The following TACC2 variants were observed in gnomAD, a reference collection of about 807,000 sequenced individuals.
TACC2 encodes transforming acidic coiled-coil containing protein 2, also known as transforming acidic coiled-coil-containing protein 2.
Under a neutral mutation model 227.3 loss-of-function variants are expected in TACC2, and 137 were observed. The observed-to-expected ratio is 0.60, with a 90% CI of 0.52 to 0.69. The LOEUF (loss-of-function observed/expected upper bound fraction) is 0.69, where lower values mean the gene tolerates loss of function less well. Ranked by LOEUF, TACC2 falls within the 30% of genes least tolerant of loss-of-function variation. TACC2 has a pLI of 0.00. For synonymous variants in TACC2, 1,523 were observed against 1,487.5 expected, an observed-to-expected ratio of 1.02 and a Z score of -0.55; for missense variants, 3,470 against 3,694.4, an observed-to-expected ratio of 0.94 and a Z score of 1.57.
In TACC2 at chr10:121,992,816, G is replaced by A. The variant is rs145338594; in HGVS notation, c.-46+3328G>A. Among the ~76,000 whole-genome samples, 114 of 152,158 alleles carry A rather than the reference G, an allele frequency of 7.5e-4. 1 individual carries two copies. In the East Asian group the frequency reaches 0.019, roughly 26 times the overall value. ...CTAAAATACAAAAAATTAGCCAGGCGTGGCAGTGGGCACCTGTAGTCCCAG... is the reference window on the plus strand; with the variant it reads ...CTAAAATACAAAAAATTAGCCAGGCATGGCAGTGGGCACCTGTAGTCCCAG... On this transcript the variant is annotated intron_variant, in intron 1 of 22. Transcript: ENST00000369005.
intron 8 of TACC2, 82 bp downstream of exon 8, chr10:122,195,258 C>T: frequency 7.5e-7 from 1 of 1,325,488 alleles, no homozygotes; most frequent in Non-Finnish European, 1.0e-6. Context: ...CCTCCTGGGT[C>T]AGGCTGGAGG....
At chr10:122,095,804 G>A (rs376746646) in intron 5 of TACC2, among the ~76,000 whole-genome samples, 7 of 152,336 alleles carry the variant, frequency 4.6e-5, no homozygotes, top group Non-Finnish European at 7.3e-5. Flanking sequence ...CAATACAGTC[G>A]CTGCTGGCCA....
chr10:122,248,429 C>T (rs1014108240), intron 19 of TACC2: 1 of 593,122 alleles, frequency 1.7e-6, no homozygotes, highest in Non-Finnish European at 3.0e-6. Flanking sequence ...CGCGAGGCTG[C>T]ACAGGCCCGG....
rs7083776 is a variant in TACC2 at position 122,084,260 on chromosome 10, A to G, written c.1760A>G (p.Asp587Gly). ...AAGGAGGAAGCCCCAGAGCCACCTGATGGTGGAGACCCAGGGAACCTGCAA... is the reference window on the plus strand; with the variant it reads ...AAGGAGGAAGCCCCAGAGCCACCTGGTGGTGGAGACCCAGGGAACCTGCAA... ...GGKEEAPEPP[D>G]GGDPGNLQGE... Residue 587 changes from aspartate (D) to glycine (G), a missense_variant, in exon 4 of 23, where the codon GAT becomes GGT. By Grantham distance (94) the Asp-to-Gly change is moderately conservative. Around this residue, in one of 10 missense-constraint regions of TACC2, gnomAD observed 1,924 missense variants for 1,978.3 expected, o/e 0.97. Coordinates refer to ENST00000369005, the MANE Select transcript of TACC2 (RefSeq NM_206862.4). 3.9e-4 allele frequency: 630 copies of G among 1,614,054 alleles called. 5 individuals are homozygous for G. The African/African-American group carries it at 7.2e-3, about 19-fold the overall frequency.
At chr10:122,043,826 C>T (rs1422520935) in intron 2 of TACC2, among the ~76,000 whole-genome samples, 6 of 152,274 alleles carry the variant, frequency 3.9e-5, no homozygotes, top group South Asian at 2.1e-4. Flanking sequence ...GTGATCTGCC[C>T]GCCTCGGCCT....
intron 8 of TACC2, among the ~76,000 whole-genome samples, chr10:122,196,828 C>T (rs1045919341): frequency 4.8e-5 from 7 of 145,170 alleles, no homozygotes; most frequent in Non-Finnish European, 7.5e-5. Context: ...CCCAGCTACT[C>T]GGGAGGCTGA....
In TACC2 at chr10:122,086,065, A is replaced by G; in HGVS notation, c.3565A>G (p.Ser1189Gly). ...CTGCCAAGCTGAGCACCCCATGGCC[A>G]GCTGCCAGGATGCCTTGCTGCCAGC... ...ESCQAEHPMA[S>G]CQDALLPARE... The change falls in exon 4 of 23, where the codon AGC (serine) becomes GGC (glycine). Residue 1189 changes from serine (S) to glycine (G), a missense_variant. Around this residue, in one of 10 missense-constraint regions of TACC2, gnomAD observed 1,924 missense variants for 1,978.3 expected, o/e 0.97. Transcript: ENST00000369005. 1.2e-6 allele frequency: 2 copies of G among 1,613,832 alleles called. No individual in the cohort carries two copies. The highest frequency in any genetic ancestry group is 1.7e-6 in the Non-Finnish European group (2 of 1,180,020).
intron 7 of TACC2, among the ~76,000 whole-genome samples, chr10:122,158,427 A>G (rs1223826820): frequency 5.3e-5 from 8 of 152,034 alleles, no homozygotes; most frequent in Admixed American, 5.2e-4. Flanking sequence ...AAGAAAACCC[A>G]AAAAACAAAA....
At chr10:122,152,177 G>A (rs1201703034) in intron 7 of TACC2, among the ~76,000 whole-genome samples, 2 of 152,186 alleles carry the variant, frequency 1.3e-5, no homozygotes, top group African/African-American at 4.8e-5. Context: ...CCACCTTGGT[G>A]TCCCTGCTCC....
intron 16 of TACC2, among the ~76,000 whole-genome samples, chr10:122,234,185 C>G (rs1176329097): frequency 1.3e-5 from 2 of 152,224 alleles, no homozygotes; most frequent in African/African-American, 4.8e-5. Context: ...CCCCTCCCCT[C>G]CATGTCTGGC....
chr10:122,136,543 G>GTATATATA (rs747076679), intron 6 of TACC2, among the ~76,000 whole-genome samples: 46 of 143,282 alleles, frequency 3.2e-4, no homozygotes, highest in Admixed American at 5.6e-4. Flanking sequence ...TTGTGTGTGT[G>GTATATATA]TGTATATATA....
rs566441914 is a variant in TACC2 at position 122,220,560 on chromosome 10, G to A, written c.7546+3732G>A. 7.2e-5 allele frequency among the ~76,000 whole-genome samples: 11 copies of A among 152,334 alleles called. No homozygotes were observed. In the East Asian group the frequency reaches 2.1e-3, roughly 29 times the overall value. ...AATGAGGTCCAGTCTAGCAGCACCA[G>A]ACACACACCCAGGGGTGCTGATGTG... On this transcript the variant is annotated intron_variant, in intron 11 of 22. Transcript: ENST00000369005.
At chr10:122,154,254 TG>T (rs2092311856) in intron 7 of TACC2, among the ~76,000 whole-genome samples, 1 of 152,256 alleles carries the variant, frequency 6.6e-6, no homozygotes, top group African/African-American at 2.4e-5. Context: ...CCAAACTTGC[TG>T]CTGCTCGGAC....
chr10:122,211,763 T>C, intron 9 of TACC2, 55 bp downstream of exon 9: 1 of 1,461,930 alleles, frequency 6.8e-7, no homozygotes, highest in Non-Finnish European at 9.2e-7. Flanking sequence ...GCATTGGCTG[T>C]GACCCTTGGT....
At chr10:122,011,553 C>G (rs1955927928) in intron 1 of TACC2, among the ~76,000 whole-genome samples, 1 of 152,156 alleles carries the variant, frequency 6.6e-6, no homozygotes, top group Admixed American at 6.6e-5. Context: ...TGCTCTTGAT[C>G]TCTTCACCTC....
intron 1 of TACC2, among the ~76,000 whole-genome samples, chr10:122,009,547 G>A (rs554555046): frequency 6.6e-6 from 1 of 152,208 alleles, no homozygotes. Flanking sequence ...GTGTTCTTCT[G>A]TTCTTGCTCT....
At chr10:122,145,056 G>A (rs374961858) in intron 7 of TACC2, among the ~76,000 whole-genome samples, 2 of 152,174 alleles carry the variant, frequency 1.3e-5, no homozygotes, top group Non-Finnish European at 2.9e-5. Context: ...GACATAGTAG[G>A]TGCACAACCA....
intron 7 of TACC2, among the ~76,000 whole-genome samples, chr10:122,190,872 A>G (rs2094388841): frequency 6.6e-6 from 1 of 152,198 alleles, no homozygotes; most frequent in Non-Finnish European, 1.5e-5. Context: ...ATACAAGCAT[A>G]TTGTAAATTG....
At chr10:122,014,272 T>TGC (rs1956292787) in intron 1 of TACC2, among the ~76,000 whole-genome samples, 2 of 150,510 alleles carry the variant, frequency 1.3e-5, no homozygotes, top group South Asian at 2.1e-4. Flanking sequence ...TGCAATGGCA[T>TGC]GATCTTGGCT....
Sources: gnomAD v4.1 joint callset for allele counts (sites outside exome capture counted in the v4.1 genomes callset) on GRCh38, gnomAD v4.1.1 for gene constraint, gnomAD v4.1.1 regional missense constraint, MANE v1.5 for transcripts, NCBI Gene and HGNC (gene_info 2026-07-23, HGNC 2026-07-21) for gene names.